Variants in PRKACB observed in about 807,000 individuals in gnomAD.
PRKACB encodes cAMP-dependent protein kinase catalytic subunit beta.
Under a neutral mutation model 51.4 loss-of-function variants are expected in PRKACB, and 16 were observed. That is an observed-to-expected ratio of 0.31 (90% CI 0.21 to 0.47). The LOEUF is 0.47. Ranked by LOEUF, PRKACB falls within the 20% of genes least tolerant of loss-of-function variation. The pLI, the probability that PRKACB is intolerant of heterozygous loss-of-function variation, is 1.00. For synonymous variants in PRKACB, 147 were observed against 154.4 expected, an observed-to-expected ratio of 0.95 and a Z score of 0.35; for missense variants, 309 against 464.5, an observed-to-expected ratio of 0.67 and a Z score of 3.08.
chr1:84,135,079 A>G (rs920057388), intron 1 of PRKACB, among the ~76,000 whole-genome samples: 5 of 152,232 alleles, frequency 3.3e-5, no homozygotes, highest in African/African-American at 1.2e-4. Context: ...AGATGGAGAA[A>G]GATATACCAT....
chr1:84,136,133 A>C (rs1652781092), intron 1 of PRKACB, among the ~76,000 whole-genome samples: 3 of 152,080 alleles, frequency 2.0e-5, no homozygotes. Flanking sequence ...TATGCCCCAA[A>C]ATTTGATAAA....
chr1:84,167,859 A>T (rs1317722439), intron 1 of PRKACB, among the ~76,000 whole-genome samples: 3 of 151,560 alleles, frequency 2.0e-5, no homozygotes, highest in Admixed American at 6.6e-5. Context: ...AGTCATATAA[A>T]ATGCTTAAGA....
chr1:84,157,175 T>C (rs1434578418), intron 1 of PRKACB, among the ~76,000 whole-genome samples: 2 of 152,164 alleles, frequency 1.3e-5, no homozygotes, highest in Non-Finnish European at 2.9e-5. Flanking sequence ...CTATTTACCT[T>C]CTTTACTTTA....
chr1:84,078,117 C>CGCCGCTGCT (rs1553156578), upstream of PRKACB: 8 of 473,882 alleles, frequency 1.7e-5, no homozygotes, highest in Non-Finnish European at 2.5e-5. Flanking sequence ...CCGCCGCCGC[C>CGCCGCTGCT]GCCGCTGCTG....
intron 1 of PRKACB, chr1:84,086,092 C>G: frequency 7.1e-7 from 1 of 1,405,216 alleles, no homozygotes; most frequent in Non-Finnish European, 1.0e-6. Context: ...ATATTGATGA[C>G]CACACAGACC....
At chr1:84,135,474 T>C (rs1407596400) in intron 1 of PRKACB, among the ~76,000 whole-genome samples, 2 of 152,162 alleles carry the variant, frequency 1.3e-5, no homozygotes, top group South Asian at 2.1e-4. Context: ...GAGCAAAATA[T>C]ACATTTTTTT....
In PRKACB at chr1:84,145,581, A is replaced by T. The variant is rs149574269; in HGVS notation, c.187+1033A>T. On this transcript the variant is annotated intron_variant, in intron 1 of 9. Transcript: ENST00000370685. The stretch of plus-strand genomic sequence containing the variant: ...GAATTAATTTTTTACTAAATCAGAA[A>T]TTTTTTTACATTCTTCAAACTATTT... 1.4e-4 allele frequency among the ~76,000 whole-genome samples: 21 copies of T among 152,158 alleles called. No homozygotes were observed. The East Asian group carries it at 3.9e-3, about 28-fold the overall frequency.
chr1:84,184,004 A>G lies in PRKACB; in HGVS notation c.379-33A>G, dbSNP rs745699950. On this transcript the variant is annotated intron_variant, in intron 3 of 9. Transcript: ENST00000370685. ...ATGATAACTTTTTAATTTTGCTTAAATACATTAAGAGATATTTATCTCTCA... is the reference window on the plus strand; with the variant it reads ...ATGATAACTTTTTAATTTTGCTTAAGTACATTAAGAGATATTTATCTCTCA... 4.0e-6 allele frequency: 6 copies of G among 1,509,520 alleles called. No homozygotes were observed. In the Admixed American group the frequency reaches 1.2e-4, roughly 29 times the overall value. 93.5% of individuals were successfully genotyped at this position (1,509,520 alleles called of 1,614,324 possible). A position where few individuals can be genotyped will look rare whatever the true frequency, so the allele number is the denominator to read the frequency against.
intron 1 of PRKACB, chr1:84,173,332 G>C: frequency 2.5e-6 from 4 of 1,573,004 alleles, no homozygotes; most frequent in East Asian, 2.3e-5. Context: ...GATCAAGCAC[G>C]CAAATCATCA....
chr1:84,133,306 G>A (rs1652444349), intron 1 of PRKACB, among the ~76,000 whole-genome samples: 1 of 151,900 alleles, frequency 6.6e-6, no homozygotes, highest in East Asian at 1.9e-4. Context: ...CAAAACTGAA[G>A]GACAAATAAA....
chr1:84,093,112 A>G (rs1648627051), intron 1 of PRKACB, among the ~76,000 whole-genome samples: 1 of 151,986 alleles, frequency 6.6e-6, no homozygotes, highest in African/African-American at 2.4e-5. Context: ...TTTACAAATC[A>G]TTTCCTTTAT....
At chr1:84,102,676 A>G (rs1229956503) in intron 1 of PRKACB, among the ~76,000 whole-genome samples, 1 of 152,196 alleles carries the variant, frequency 6.6e-6, no homozygotes, top group African/African-American at 2.4e-5. Context: ...AAAAAAGTGT[A>G]CGGGCCCTCA....
intron 1 of PRKACB, among the ~76,000 whole-genome samples, chr1:84,130,601 C>T (rs936620483): frequency 5.3e-5 from 8 of 152,120 alleles, no homozygotes; most frequent in South Asian, 2.1e-4. Context: ...GCAGAAATTT[C>T]TAAAAAAATT....
At chr1:84,228,086 A>G (rs576811888) in intron 9 of PRKACB, among the ~76,000 whole-genome samples, 77 of 152,202 alleles carry the variant, frequency 5.1e-4, no homozygotes, top group Non-Finnish European at 6.0e-4. Context: ...GCAGTCCCCA[A>G]AGCAGGGCGT....
rs560363646 is a variant in PRKACB at position 84,158,198 on chromosome 1, C to T, written c.187+13650C>T. On this transcript the variant is annotated intron_variant, in intron 1 of 9. Transcript: ENST00000370685. ...CATTACAGGCATGCGCCATCACTCC[C>T]GGCTAATCTTTGTGTTTTTAGTAGA... 1.3e-4 allele frequency among the ~76,000 whole-genome samples: 20 copies of T among 152,126 alleles called. No individual in the cohort carries two copies. The East Asian group carries it at 3.7e-3, about 28-fold the overall frequency.
At chr1:84,106,614 C>G (rs1200420874) in intron 1 of PRKACB, among the ~76,000 whole-genome samples, 3 of 152,074 alleles carry the variant, frequency 2.0e-5, no homozygotes, top group Non-Finnish European at 4.4e-5. Context: ...ATGACACAGA[C>G]AAGTGGAAGA....
intron 7 of PRKACB, 80 bp from the exon 8 acceptor site, chr1:84,202,603 A>G: frequency 7.0e-7 from 1 of 1,420,434 alleles, no homozygotes; most frequent in Non-Finnish European, 9.4e-7. Context: ...ATGCTTCCAG[A>G]TCATTTTGAA....
chr1:84,125,338 G>C (rs1486778158), intron 1 of PRKACB, among the ~76,000 whole-genome samples: 1 of 152,160 alleles, frequency 6.6e-6, no homozygotes, highest in Non-Finnish European at 1.5e-5. Context: ...GAAATTTCAT[G>C]ACATGTTGCC....
chr1:84,101,628 G>T (rs879945571), intron 1 of PRKACB, among the ~76,000 whole-genome samples: 6 of 152,080 alleles, frequency 3.9e-5, no homozygotes, highest in Non-Finnish European at 8.8e-5. Flanking sequence ...TCAATAGAAG[G>T]CATATATAAC....
Sources: allele counts gnomAD v4.1 joint callset (sites outside exome capture counted in the v4.1 genomes callset), GRCh38; gene constraint gnomAD v4.1.1; transcripts MANE v1.5; gene names NCBI Gene and HGNC (gene_info 2026-07-23, HGNC 2026-07-21).